The following CAMK1D variants were observed in gnomAD, a reference collection of about 807,000 sequenced individuals.
CAMK1D encodes calcium/calmodulin-dependent protein kinase type 1D.
CAMK1D carries 9 observed loss-of-function variants against 47.7 expected under a neutral mutation model. That is an observed-to-expected ratio of 0.19 (90% CI 0.11 to 0.33). The LOEUF (loss-of-function observed/expected upper bound fraction) is 0.33, where lower values mean the gene tolerates loss of function less well. CAMK1D is among the 10% of genes least tolerant of loss of function. CAMK1D has a pLI of 1.00. For missense variants in CAMK1D, 291 were observed against 488.7 expected, an observed-to-expected ratio of 0.60 and a Z score of 3.81; for synonymous variants, 184 against 184.9, an observed-to-expected ratio of 0.99 and a Z score of 0.04.
intron 3 of CAMK1D, 92 bp from the exon 4 acceptor site, chr10:12,760,856 G>A: frequency 2.2e-6 from 3 of 1,390,250 alleles, no homozygotes; most frequent in Non-Finnish European, 3.0e-6. Context: ...ATTCATTTTT[G>A]CAATAAAGTT....
intron 6 of CAMK1D, among the ~76,000 whole-genome samples, chr10:12,812,632 A>G (rs532607932): frequency 6.6e-6 from 1 of 152,234 alleles, no homozygotes; most frequent in South Asian, 2.1e-4. Flanking sequence ...GAAAGAAAAA[A>G]AAAGAACTGC....
intron 1 of CAMK1D, among the ~76,000 whole-genome samples, chr10:12,501,431 C>T (rs1365186748): frequency 6.6e-6 from 1 of 152,194 alleles, no homozygotes; most frequent in Admixed American, 6.5e-5. Context: ...TGCGTGTGCT[C>T]AGCGCTGTTC....
At chr10:12,510,783 G>A (rs929561716) in intron 1 of CAMK1D, among the ~76,000 whole-genome samples, 3 of 152,200 alleles carry the variant, frequency 2.0e-5, no homozygotes, top group African/African-American at 7.2e-5. Flanking sequence ...GCATTTTCTG[G>A]ATTCCTGTGA....
At chr10:12,446,004 C>T (rs1243787139) in intron 1 of CAMK1D, among the ~76,000 whole-genome samples, 1 of 152,100 alleles carries the variant, frequency 6.6e-6, no homozygotes, top group African/African-American at 2.4e-5. Context: ...GTGGGAGGCA[C>T]CTGTTATTTG....
At chr10:12,766,913 C>T (rs1253646491) in intron 4 of CAMK1D, among the ~76,000 whole-genome samples, 1 of 152,090 alleles carries the variant, frequency 6.6e-6, no homozygotes, top group Non-Finnish European at 1.5e-5. Flanking sequence ...GAACCTGCCT[C>T]AAGTTTGGTC....
chr10:12,637,043 C>T (rs961016940), intron 2 of CAMK1D, among the ~76,000 whole-genome samples: 2 of 152,150 alleles, frequency 1.3e-5, no homozygotes, highest in African/African-American at 2.4e-5. Context: ...TTCATCTCAG[C>T]TCACTGCAAC....
rs200014646 is a variant in CAMK1D, at chr10:12,814,338, C to T, written c.754+31C>T. On this transcript the variant is annotated intron_variant, in intron 7 of 10. Coordinates refer to ENST00000619168, the MANE Select transcript of CAMK1D (RefSeq NM_153498.4). ...TCTCCCATAGGCAGCTCCCAGTGGG[C>T]GGCCCCCGCGACACTTACACCCAGA... 96 of 1,415,212 alleles carry T rather than the reference C, an allele frequency of 6.8e-5. No homozygotes were observed. The East Asian group carries it at 1.5e-3, about 23-fold the overall frequency. 87.7% of individuals were successfully genotyped at this position (1,415,212 alleles called of 1,614,324 possible).
chr10:12,651,340 C>T (rs756139576), intron 2 of CAMK1D, among the ~76,000 whole-genome samples: 12 of 152,182 alleles, frequency 7.9e-5, no homozygotes, highest in Admixed American at 2.0e-4. Flanking sequence ...CGCACATCTC[C>T]GCCTTTGGCC....
At chr10:12,795,059 T>A (rs1838136741) in intron 6 of CAMK1D, among the ~76,000 whole-genome samples, 1 of 152,124 alleles carries the variant, frequency 6.6e-6, no homozygotes, top group Non-Finnish European at 1.5e-5. Flanking sequence ...ATGATAAGTT[T>A]GAGGCTGGGG....
intron 2 of CAMK1D, among the ~76,000 whole-genome samples, chr10:12,585,121 A>G (rs1837777793): frequency 6.6e-6 from 1 of 152,224 alleles, no homozygotes; most frequent in South Asian, 2.1e-4. Flanking sequence ...TCTGTTGAGG[A>G]TAAGCCCTCG....
chr10:12,637,965 C>G (rs1020247526), intron 2 of CAMK1D, among the ~76,000 whole-genome samples: 1 of 152,176 alleles, frequency 6.6e-6, no homozygotes, highest in East Asian at 1.9e-4. Flanking sequence ...ATCCACAGCC[C>G]GGCCCGGTAG....
chr10:12,528,548 A>G (rs1182266633), intron 1 of CAMK1D, among the ~76,000 whole-genome samples: 1 of 152,120 alleles, frequency 6.6e-6, no homozygotes, highest in Non-Finnish European at 1.5e-5. Flanking sequence ...ATATTCAAAT[A>G]TTGGAATAGT....
chr10:12,430,313 GAGCAC>G (rs1040407699), intron 1 of CAMK1D, among the ~76,000 whole-genome samples: 2 of 152,184 alleles, frequency 1.3e-5, no homozygotes, highest in African/African-American at 4.8e-5. Context: ...CTCTCCCGGA[GAGCAC>G]AGCCCCACAA....
At chr10:12,645,555 C>T (rs1839788809) in intron 2 of CAMK1D, among the ~76,000 whole-genome samples, 1 of 152,188 alleles carries the variant, frequency 6.6e-6, no homozygotes. Flanking sequence ...TCCACAGCTT[C>T]CGTGACATAA....
intron 1 of CAMK1D, among the ~76,000 whole-genome samples, chr10:12,549,015 G>A (rs551143390): frequency 1.3e-5 from 2 of 152,072 alleles, no homozygotes; most frequent in South Asian, 2.1e-4. Context: ...GCCACCACAC[G>A]CTGCTAATTT....
chr10:12,487,087 G>A (rs932593359), intron 1 of CAMK1D, among the ~76,000 whole-genome samples: 4 of 152,110 alleles, frequency 2.6e-5, no homozygotes, highest in Admixed American at 2.6e-4. Flanking sequence ...CATGTCATGG[G>A]GGTTTGTTGT....
chr10:12,454,619 T>C (rs1467946423), intron 1 of CAMK1D, among the ~76,000 whole-genome samples: 1 of 152,126 alleles, frequency 6.6e-6, no homozygotes, highest in African/African-American at 2.4e-5. Context: ...TGCACTGCCA[T>C]GCCTGGCAAA....
Position 12,542,286 on chromosome 10 carries a change from G to C in CAMK1D, c.93-10939G>C, listed in dbSNP as rs998629999. ...TTAATTTATGGTCGGAGGCTGGGGG[G>C]TAACGTCTGCAGGCCCAGTTACACA... On this transcript the variant is annotated intron_variant, in intron 1 of 10. Coordinates refer to ENST00000619168, the MANE Select transcript of CAMK1D (RefSeq NM_153498.4). Among the ~76,000 whole-genome samples, 14 of 152,152 alleles carry C rather than the reference G, an allele frequency of 9.2e-5. No individual in the cohort carries two copies. In the East Asian group the frequency reaches 2.7e-3, roughly 29 times the overall value.
intron 1 of CAMK1D, among the ~76,000 whole-genome samples, chr10:12,511,882 G>GA (rs1280961980): frequency 2.0e-5 from 3 of 152,226 alleles, no homozygotes; most frequent in African/African-American, 7.2e-5. Context: ...CAGCAGTGGG[G>GA]AGTATGTACC....
Sources: gnomAD v4.1 joint callset for allele counts (sites outside exome capture counted in the v4.1 genomes callset) on GRCh38, gnomAD v4.1.1 for gene constraint, MANE v1.5 for transcripts, NCBI Gene and HGNC (gene_info 2026-07-23, HGNC 2026-07-21) for gene names.